Variants in ASS1 observed in about 807,000 individuals in gnomAD.
ASS1 encodes argininosuccinate synthase 1.
A neutral mutation model predicts 60.5 loss-of-function variants in ASS1; 58 were observed. The ratio of observed to expected loss-of-function variants is 0.96; its 90% CI spans 0.78 to 1.19. ASS1 has a LOEUF of 1.19. ASS1 is among the 50% of genes most tolerant of loss of function. The probability of loss-of-function intolerance (pLI) is 0.00; values close to 1 mark genes in which losing one functional copy is unlikely to be tolerated. For missense variants in ASS1, 454 were observed against 547.3 expected (o/e 0.83, Z 1.70); for synonymous variants, 200 against 206.9 (o/e 0.97, Z 0.29).
chr9:130,474,490 G>T (rs559981164), intron 8 of ASS1, among the ~76,000 whole-genome samples: 6 of 152,230 alleles, frequency 3.9e-5, no homozygotes, highest in Non-Finnish European at 5.9e-5. Context: ...AGAGAGCTGG[G>T]CTTGGGTGGG....
Position 130,477,198 on chromosome 9 carries a change from T to C in ASS1, c.688+237T>C, listed in dbSNP as rs1846043820. ...GCCCTCGGCTACCCATCACTCGGGT[T>C]CATGGGCACCAGGTCTGGAATGAGA... is the stretch of plus-strand genomic sequence containing the variant. On this transcript the variant is annotated intron_variant, in intron 9 of 14. Coordinates refer to ENST00000352480, the MANE Select transcript of ASS1 (RefSeq NM_054012.4). The surrounding 1 kb of genome is among the most constrained non-coding windows in gnomAD (Gnocchi z 4.2). 6.6e-6 allele frequency among the ~76,000 whole-genome samples: 1 copy of C among 152,154 alleles called. No individual in the cohort carries two copies.
intron 12 of ASS1, among the ~76,000 whole-genome samples, chr9:130,492,633 G>A (rs1028887832): frequency 1.8e-4 from 27 of 152,222 alleles, no homozygotes; most frequent in African/African-American, 6.3e-4. Context: ...GGGCCCAGAG[G>A]AGCATCTCAT....
chr9:130,495,470 T>TAC (rs777921061), intron 13 of ASS1, among the ~76,000 whole-genome samples: 3,892 of 130,410 alleles, frequency 0.03, 60 homozygotes, highest in Non-Finnish European at 0.039. Context: ...TACACATACA[T>TAC]ATACACACAC....
intron 7 of ASS1, 42 bp from the exon 8 acceptor site, chr9:130,471,443 G>A: frequency 1.2e-6 from 2 of 1,611,390 alleles, no homozygotes; most frequent in Non-Finnish European, 1.7e-6. Flanking sequence ...GACATGCCAT[G>A]TCCCTCCCCA....
At chr9:130,463,766 G>A (rs1845660034) in intron 4 of ASS1, among the ~76,000 whole-genome samples, 1 of 152,178 alleles carries the variant, frequency 6.6e-6, no homozygotes, top group African/African-American at 2.4e-5. Context: ...CAATGTGGGG[G>A]CCTTGAGGAA....
chr9:130,498,479 C>T (rs1053499126), intron 13 of ASS1, among the ~76,000 whole-genome samples: 6 of 152,186 alleles, frequency 3.9e-5, no homozygotes, highest in African/African-American at 1.2e-4. Flanking sequence ...CGGTCTGGCC[C>T]CTCCCTGTGG....
chr9:130,486,388 T>A (rs1419214458), intron 11 of ASS1, among the ~76,000 whole-genome samples: 1 of 152,178 alleles, frequency 6.6e-6, no homozygotes, highest in African/African-American at 2.4e-5. Context: ...CCCGCATACC[T>A]GGCCTGTGCT....
chr9:130,464,043 C>T, intron 4 of ASS1, 68 bp from the exon 5 acceptor site: 1 of 1,565,868 alleles, frequency 6.4e-7, no homozygotes, highest in Non-Finnish European at 8.8e-7. Flanking sequence ...TCCTTGTCCT[C>T]ACGTCCTCCC....
chr9:130,485,204 C>T (rs999213531), intron 11 of ASS1, among the ~76,000 whole-genome samples: 4 of 152,158 alleles, frequency 2.6e-5, no homozygotes, highest in South Asian at 2.1e-4. Context: ...TGATGGGAGG[C>T]GATGCTGTGG....
rs753078725 is a variant in ASS1, at chr9:130,479,800, C to A, written c.773C>A (p.Ala258Glu). The A allele has an allele frequency of 1.9e-6, 3 of 1,613,716 alleles. No individual in the cohort carries two copies. The highest frequency in any genetic ancestry group is 2.5e-6 in the Non-Finnish European group (3 of 1,179,694). Reference protein sequence around the residue: ...LELFMYLNEVAGKHGVGRIDI... With the variant: ...LELFMYLNEVEGKHGVGRIDI... ...CTCTTCATGTACCTGAACGAAGTCG[C>A]GTGAGTGTCTGCAGCCCTGTCCGGC... The change falls in exon 10 of 15, where the codon GCG (alanine) becomes GAG (glutamate). Residue 258 changes from alanine (A) to glutamate (E), a missense_variant and splice_region_variant. Coordinates refer to ENST00000352480, the MANE Select transcript of ASS1 (RefSeq NM_054012.4).
Position 130,452,244 on chromosome 9 carries a change from T to G in ASS1, c.16T>G (p.Ser6Ala), listed in dbSNP as rs757913342. ...GCCAGACGCTATGTCCAGCAAAGGC[T>G]CCGTGGTTCTGGCCTACAGTGGCGG... Reference protein sequence around the residue: MSSKGSVVLAYSGGLD... With the variant: MSSKGAVVLAYSGGLD... Residue 6 changes from serine to alanine, a missense_variant, in exon 2 of 15, where the codon TCC becomes GCC. Transcript: ENST00000352480. 3.0e-5 allele frequency: 48 copies of G among 1,614,108 alleles called. No homozygotes were observed. Among genetic ancestry groups the G allele is most frequent in the Non-Finnish European group, 4.0e-5 (47 of 1,180,048 alleles).
At chr9:130,486,832 C>T (rs779242725) in intron 11 of ASS1, among the ~76,000 whole-genome samples, 3 of 152,234 alleles carry the variant, frequency 2.0e-5, no homozygotes, top group Non-Finnish European at 4.4e-5. Context: ...CAGAGAGGTT[C>T]CCTTCTGCCC....
At chr9:130,453,338 C>A (rs1845367674) in intron 2 of ASS1, among the ~76,000 whole-genome samples, 1 of 152,250 alleles carries the variant, frequency 6.6e-6, no homozygotes, top group African/African-American at 2.4e-5. Flanking sequence ...AGGAAGTGAG[C>A]CTGGGTCTCT....
upstream of ASS1, among the ~76,000 whole-genome samples, chr9:130,444,717 C>T (rs1351730576): frequency 6.6e-6 from 1 of 151,932 alleles, no homozygotes; most frequent in East Asian, 1.9e-4. This position sits in a 1 kb window ranked among gnomAD's most constrained non-coding sequence, Gnocchi z 4.7. Flanking sequence ...GCCGGCGCGC[C>T]CCTGGGAGGG....
chr9:130,465,057 T>TATATA (rs201810692), intron 5 of ASS1, among the ~76,000 whole-genome samples: 2 of 76,168 alleles, frequency 2.6e-5, no homozygotes, highest in Admixed American at 1.1e-4. Flanking sequence ...TATATATATA[T>TATATA]TTTTTTTTTT....
intron 3 of ASS1, among the ~76,000 whole-genome samples, chr9:130,456,515 T>C (rs1845454319): frequency 6.6e-6 from 1 of 152,212 alleles, no homozygotes; most frequent in Non-Finnish European, 1.5e-5. Flanking sequence ...TTTATCCTAA[T>C]GTTTTTTATA....
chr9:130,475,662 G>A (rs1845994031), intron 8 of ASS1, among the ~76,000 whole-genome samples: 1 of 151,928 alleles, frequency 6.6e-6, no homozygotes. Context: ...TGGGGTAAGA[G>A]CGCTTGACCT....
At chr9:130,448,422 G>GCACACACACACACACACACACACA (rs3085579) in intron 1 of ASS1, among the ~76,000 whole-genome samples, 11 of 143,382 alleles carry the variant, frequency 7.7e-5, no homozygotes, top group African/African-American at 3.0e-4. Context: ...GTGTGCGCGC[G>GCACACACACACACACACACACACA]CACACACACA....
At chr9:130,468,943 G>A (rs1845807738) in intron 6 of ASS1, among the ~76,000 whole-genome samples, 1 of 152,198 alleles carries the variant, frequency 6.6e-6, no homozygotes, top group Admixed American at 6.5e-5. Context: ...GAGAGGCTGG[G>A]AAACACAAAT....
Sources: gnomAD v4.1 joint callset for allele counts (sites outside exome capture counted in the v4.1 genomes callset) on GRCh38, gnomAD v4.1.1 for gene constraint, Gnocchi (gnomAD v3.1) non-coding constraint, MANE v1.5 for transcripts, NCBI Gene and HGNC (gene_info 2026-07-23, HGNC 2026-07-21) for gene names.